Variants in LRP1 observed in about 807,000 individuals in gnomAD.
LRP1 encodes prolow-density lipoprotein receptor-related protein 1.
LRP1 carries 51 observed loss-of-function variants against 541.5 expected under a neutral mutation model. The observed-to-expected ratio is 0.09, with a 90% CI of 0.08 to 0.12. The LOEUF (loss-of-function observed/expected upper bound fraction) is 0.12, where lower values mean the gene tolerates loss of function less well. Among genes scored for constraint, LRP1 ranks in the 10% least tolerant of loss-of-function variants. The pLI, the probability that LRP1 is intolerant of heterozygous loss-of-function variation, is 1.00. For missense variants in LRP1, 3,878 were observed against 6,376.2 expected, an observed-to-expected ratio of 0.61 and a Z score of 13.34; for synonymous variants, 2,219 against 2,470.8, an observed-to-expected ratio of 0.90 and a Z score of 3.02.
intron 3 of LRP1, among the ~76,000 whole-genome samples, chr12:57,142,009 T>G (rs952277084): frequency 1.3e-5 from 2 of 152,146 alleles, no homozygotes; most frequent in African/African-American, 2.4e-5. Flanking sequence ...TAAATCTGCC[T>G]TGGTCCCTCC....
chr12:57,148,531 C>T (rs1299881522), intron 6 of LRP1, among the ~76,000 whole-genome samples: 1 of 152,136 alleles, frequency 6.6e-6, no homozygotes, highest in Non-Finnish European at 1.5e-5. Context: ...CAGGCTGCCC[C>T]TGGGCAGGCC....
At chr12:57,130,016 T>C (rs941728376) in intron 1 of LRP1, among the ~76,000 whole-genome samples, 1 of 152,152 alleles carries the variant, frequency 6.6e-6, no homozygotes, top group African/African-American at 2.4e-5. Context: ...ACTGCATCCT[T>C]TTGGGGAAAT....
intron 2 of LRP1, 67 bp from the exon 3 acceptor site, chr12:57,141,307 A>G: frequency 1.3e-6 from 2 of 1,595,252 alleles, no homozygotes; most frequent in Non-Finnish European, 1.7e-6. Flanking sequence ...CCTCATCCCC[A>G]GTGAACAGCT....
rs770189970 is a variant in LRP1, at chr12:57,205,456, A to T, written c.11441A>T (p.His3814Leu). 8 of 1,611,102 alleles carry T rather than the reference A, an allele frequency of 5.0e-6. No individual in the cohort carries two copies. The highest frequency in any genetic ancestry group is 1.7e-5 in the Admixed American group (1 of 59,946). The change falls in exon 74 of 89, where the codon CAC (histidine) becomes CTC (leucine). Residue 3814 changes from histidine to leucine, a missense_variant. Transcript: ENST00000243077. This position sits in a 1 kb window ranked among gnomAD's most constrained non-coding sequence, Gnocchi z 4.6. ...TACTGTGCCTGCCGCTCGGGCTTCC[A>T]CACCGTGCCCGGCCAGCCCGGATGC... is the stretch of plus-strand genomic sequence containing the variant. ...AAYCACRSGFHTVPGQPGCQD... is the reference protein window; with the variant it reads ...AAYCACRSGFLTVPGQPGCQD...
rs911646009 is a variant in LRP1, at chr12:57,212,726, A to G, written c.*171A>G. ...GAGCAAGCCGGCAAGCGAGCACAGTATTATTTCTCCATCCCCTCCCTGCCT... is the reference window on the plus strand; with the variant it reads ...GAGCAAGCCGGCAAGCGAGCACAGTGTTATTTCTCCATCCCCTCCCTGCCT... On this transcript the variant is annotated 3_prime_UTR_variant, in exon 89 of 89. Transcript: ENST00000243077. The surrounding 1 kb of genome is among the most constrained non-coding windows in gnomAD (Gnocchi z 5.0). The G allele has an allele frequency of 1.4e-6, 1 of 706,250 alleles. No homozygotes were observed. The highest frequency in any genetic ancestry group is 2.2e-6 in the Non-Finnish European group (1 of 445,490). The allele number at this position is 706,250 out of a possible 1,614,324, so 43.7% of individuals were successfully genotyped here. A position where few individuals can be genotyped will look rare whatever the true frequency, so the allele number is the denominator to read the frequency against.
At chr12:57,138,403 T>C in intron 1 of LRP1, 56 bp from the exon 2 acceptor site, 2 of 1,597,544 alleles carry the variant, frequency 1.3e-6, no homozygotes, top group Non-Finnish European at 1.7e-6. Flanking sequence ...GGACTTTGGG[T>C]TCACAGAGTT....
chr12:57,202,033 G>C, intron 67 of LRP1, 128 bp downstream of exon 67: 1 of 1,277,470 alleles, frequency 7.8e-7, no homozygotes, highest in Non-Finnish European at 1.1e-6. Flanking sequence ...TGGGCTTCCT[G>C]GGCCTGCTGT....
Position 57,169,218 on chromosome 12 carries a change from G to A in LRP1, c.3074G>A (p.Gly1025Glu). 6.2e-7 allele frequency: 1 copy of A among 1,614,048 alleles called. No homozygotes were observed. The highest frequency in any genetic ancestry group is 8.5e-7 in the Non-Finnish European group (1 of 1,179,998). Reference protein sequence around the residue: ...CSSTQFKCNSGRCIPEHWTCD... With the variant: ...CSSTQFKCNSERCIPEHWTCD... Reference sequence around the variant, plus strand: ...AGCACCCAGTTCAAGTGCAACAGCGGGCGTTGCATCCCCGAGCACTGGACC... The same window carrying A: ...AGCACCCAGTTCAAGTGCAACAGCGAGCGTTGCATCCCCGAGCACTGGACC... Residue 1025 changes from glycine (G) to glutamate (E), a missense_variant, in exon 20 of 89, where the codon GGG becomes GAG. Around this residue, in one of 13 missense-constraint regions of LRP1, gnomAD observed 320 missense variants for 547.9 expected, o/e 0.58. Coordinates refer to ENST00000243077, the MANE Select transcript of LRP1 (RefSeq NM_002332.3).
In LRP1 at chr12:57,184,693, G is replaced by T; in HGVS notation, c.6187-146G>T. Reference sequence around the variant, plus strand: ...AGGTCACCTTATCAGCAGGGCAGTGGGCAGGAGTGTATGCAGGAGGCAGGA... The same window carrying T: ...AGGTCACCTTATCAGCAGGGCAGTGTGCAGGAGTGTATGCAGGAGGCAGGA... On this transcript the variant is annotated intron_variant, in intron 38 of 88. Transcript: ENST00000243077. The surrounding 1 kb of genome is among the most constrained non-coding windows in gnomAD (Gnocchi z 7.8). The T allele has an allele frequency of 1.0e-6, 1 of 990,404 alleles. No homozygotes were observed. The highest frequency in any genetic ancestry group is 1.5e-6 in the Non-Finnish European group (1 of 677,274). 61.4% of individuals were successfully genotyped at this position (990,404 alleles called of 1,614,324 possible). A position where few individuals can be genotyped will look rare whatever the true frequency, so the allele number is the denominator to read the frequency against.
rs1800166 is a variant in LRP1, at chr12:57,197,675, C to G, written c.9282+11C>G. 1 of 1,610,258 alleles carries G rather than the reference C, an allele frequency of 6.2e-7. No individual in the cohort carries two copies. The highest frequency in any genetic ancestry group is 8.5e-7 in the Non-Finnish European group (1 of 1,178,588). ...GGGAGCAATGTGCAGGTGAGGCGGG[C>G]GGCCCTCGGCGACCAACACTGGCCC... On this transcript the variant is annotated intron_variant, in intron 58 of 88. Coordinates refer to ENST00000243077, the MANE Select transcript of LRP1 (RefSeq NM_002332.3). The surrounding 1 kb of genome is among the most constrained non-coding windows in gnomAD (Gnocchi z 4.5).
At chr12:57,142,807 C>T (rs1034626135) in intron 3 of LRP1, among the ~76,000 whole-genome samples, 1 of 152,144 alleles carries the variant, frequency 6.6e-6, no homozygotes, top group African/African-American at 2.4e-5. Flanking sequence ...GAATGGCTCT[C>T]GGGTGGAAGT....
rs141139469 is a variant in LRP1 at position 57,159,882 on chromosome 12, C to T, written c.1856C>T (p.Thr619Met). Residue 619 changes from threonine (T) to methionine (M), a missense_variant, in exon 12 of 89, where the codon ACG becomes ATG. Around this residue, in one of 13 missense-constraint regions of LRP1, gnomAD observed 496 missense variants for 861.0 expected, o/e 0.58. Transcript: ENST00000243077. ...VDWMGDNLYW[T>M]DDGPKKTISV... is the part of the protein sequence containing the mutation. ...TGGATGGGAGACAATCTGTACTGGACGGACGATGGGCCCAAAAAGACAATC... is the reference window on the plus strand; with the variant it reads ...TGGATGGGAGACAATCTGTACTGGATGGACGATGGGCCCAAAAAGACAATC... 17 of 1,614,132 alleles carry T rather than the reference C, an allele frequency of 1.1e-5. No individual in the cohort carries two copies. The highest frequency in any genetic ancestry group is 4.5e-5 in the East Asian group (2 of 44,878).
rs748229333 is a variant in LRP1, at chr12:57,195,387, G to A, written c.8425G>A (p.Ala2809Thr). ...DCADGADESI[A>T]AGCLYNSTCD... Reference sequence around the variant, plus strand: ...TGCTGATGGTGCAGACGAGAGCATCGCAGCTGGTTGCTGTGAGTGGCGGGG... The same window carrying A: ...TGCTGATGGTGCAGACGAGAGCATCACAGCTGGTTGCTGTGAGTGGCGGGG... The change falls in exon 52 of 89, where the codon GCA (alanine) becomes ACA (threonine). Residue 2809 changes from alanine to threonine, a missense_variant. Ala to Thr is a moderately conservative substitution (Grantham distance 58, BLOSUM62 0). Transcript: ENST00000243077. 15 of 1,606,902 alleles carry A rather than the reference G, an allele frequency of 9.3e-6. No homozygotes were observed. The highest frequency in any genetic ancestry group is 1.6e-4 in the Middle Eastern group (1 of 6,082).
intron 1 of LRP1, among the ~76,000 whole-genome samples, chr12:57,135,219 G>T (rs1174482449): frequency 2.6e-5 from 4 of 152,222 alleles, no homozygotes; most frequent in African/African-American, 9.6e-5. Flanking sequence ...GCTCCCATCG[G>T]TCAGGGAGAC....
intron 68 of LRP1, chr12:57,202,940 A>G: frequency 1.8e-6 from 1 of 568,100 alleles, no homozygotes; most frequent in Non-Finnish European, 3.1e-6. Flanking sequence ...TTCTGAGGGC[A>G]AGGCCAGGGA....
At chr12:57,136,403 C>CCA (rs1357539049) in intron 1 of LRP1, among the ~76,000 whole-genome samples, 2 of 147,484 alleles carry the variant, frequency 1.4e-5, no homozygotes, top group African/African-American at 5.0e-5. Context: ...GAGCCCCCCC[C>CCA]CCCCGCCATT....
Position 57,189,008 on chromosome 12 carries a change from G to A in LRP1, c.7031+1552G>A, listed in dbSNP as rs924051206. Among the ~76,000 whole-genome samples, 1 of 152,194 alleles carries A rather than the reference G, an allele frequency of 6.6e-6. No individual in the cohort carries two copies. Among genetic ancestry groups the A allele is most frequent in the African/African-American group, 2.4e-5 (1 of 41,436 alleles). ...GTGTGGACCCCAGTGGAGAGGGCAGGGGCAAGTGGAGACTCCAACAACCCA... is the reference window on the plus strand; with the variant it reads ...GTGTGGACCCCAGTGGAGAGGGCAGAGGCAAGTGGAGACTCCAACAACCCA... On this transcript the variant is annotated intron_variant, in intron 42 of 88. Transcript: ENST00000243077. The surrounding 1 kb of genome is among the most constrained non-coding windows in gnomAD (Gnocchi z 4.4).
rs772516366 is a variant in LRP1, at chr12:57,185,156, C to T, written c.6414C>T (p.Ile2138=). The T allele has an allele frequency of 5.5e-5, 89 of 1,614,010 alleles. No homozygotes were observed. Among genetic ancestry groups the T allele is most frequent in the Middle Eastern group, 1.6e-4 (1 of 6,084 alleles). The change falls in exon 40 of 89, where the codon ATC becomes ATT. Residue 2138 remains isoleucine, a synonymous_variant. Transcript: ENST00000243077. The surrounding 1 kb of genome is among the most constrained non-coding windows in gnomAD (Gnocchi z 4.9). ...ACTCCGTGCCCCTGCGAACCGGCAT[C>T]GGCGTCCAGCTTAAAGACATCAAAG... ...ATDSVPLRTG[I]GVQLKDIKVF...
intron 1 of LRP1, 129 bp downstream of exon 1, chr12:57,129,160 G>A: frequency 1.0e-6 from 1 of 995,348 alleles, no homozygotes; most frequent in Admixed American, 2.1e-5. Flanking sequence ...AGCTGACACA[G>A]CAGCGGCCCG....
Sources: gnomAD v4.1 joint callset for allele counts (sites outside exome capture counted in the v4.1 genomes callset) on GRCh38, gnomAD v4.1.1 for gene constraint, gnomAD v4.1.1 regional missense constraint, Gnocchi (gnomAD v3.1) non-coding constraint, MANE v1.5 for transcripts, NCBI Gene and HGNC (gene_info 2026-07-23, HGNC 2026-07-21) for gene names.